The following MYH11 variants were observed in gnomAD, a reference collection of about 807,000 sequenced individuals.
MYH11 encodes myosin heavy chain 11, also known as myosin-11.
MYH11 carries 80 observed loss-of-function variants against 246.6 expected under a neutral mutation model. The observed-to-expected ratio is 0.32, with a 90% CI of 0.27 to 0.39. MYH11 has a LOEUF of 0.39. MYH11 is among the 10% of genes least tolerant of loss of function. The pLI is 1.00. For missense variants in MYH11, 2,158 were observed against 2,546.8 expected (o/e 0.85, Z 3.29); for synonymous variants, 1,071 against 1,015.5 (o/e 1.05, Z -1.04).
At chr16:15,724,565 C>A in intron 30 of MYH11, 82 bp downstream of exon 30, 1 of 1,609,688 alleles carries the variant, frequency 6.2e-7, no homozygotes, top group Admixed American at 1.7e-5. Context: ...CACCAACACT[C>A]CACCGCGATC....
rs756833821 is a variant in MYH11 at position 15,714,875 on chromosome 16, G to A, written c.5786+34C>T. 5 of 1,611,664 alleles carry A rather than the reference G, an allele frequency of 3.1e-6. No homozygotes were observed. The African/African-American group carries it at 5.3e-5, about 17-fold the overall frequency. On this transcript the variant is annotated intron_variant, in intron 40 of 40. Coordinates refer to ENST00000300036, the MANE Select transcript of MYH11 (RefSeq NM_002474.3). ...CCCCCAGTGCTTTTCTCTGGCCTGAGAGACGGGGTCCTCCCGGGCCACGGG... is the reference window on the plus strand; with the variant it reads ...CCCCCAGTGCTTTTCTCTGGCCTGAAAGACGGGGTCCTCCCGGGCCACGGG...
Position 15,721,422 on chromosome 16 carries a change from G to A in MYH11, c.4578C>T (p.Asn1526=), listed in dbSNP as rs1186932787. The part of the protein sequence containing the change: ...LVSSKDDVGK[N]VHELEKSKRA... ...AGAAAAACCACCCAGAGCCACTTAC[G>A]TTCTTGCCCACGTCATCCTTGGAGC... The change falls in exon 32 of 41, where the codon AAC becomes AAT. Residue 1526 remains asparagine (N), a splice_region_variant and synonymous_variant. Coordinates refer to ENST00000300036, the MANE Select transcript of MYH11 (RefSeq NM_002474.3). 5.6e-6 allele frequency: 9 copies of A among 1,614,056 alleles called. No homozygotes were observed. Among genetic ancestry groups the A allele is most frequent in the East Asian group, 4.5e-5 (2 of 44,874 alleles).
chr16:15,720,585 C>T (rs1286656032), intron 33 of MYH11, among the ~76,000 whole-genome samples: 1 of 147,156 alleles, frequency 6.8e-6, no homozygotes, highest in African/African-American at 2.5e-5. Context: ...CTTGTCTCCA[C>T]TGAAAAAAAA....
At position 15,703,724 on chromosome 16, in the gene MYH11, G is replaced by T. The variant is rs1596660229; in HGVS notation, c.*267C>A. 3 of 482,118 alleles carry T rather than the reference G, an allele frequency of 6.2e-6. No individual in the cohort carries two copies. Among genetic ancestry groups the T allele is most frequent in the East Asian group, 3.7e-5 (1 of 26,782 alleles). The allele number at this position is 482,118 out of a possible 1,614,324, so 29.9% of individuals were successfully genotyped here. A position where few individuals can be genotyped will look rare whatever the true frequency, so the allele number is the denominator to read the frequency against. On this transcript the variant is annotated 3_prime_UTR_variant, in exon 41 of 41. Transcript: ENST00000300036. The stretch of plus-strand genomic sequence containing the variant: ...CTGGCTCAGCCTCCCTAGTAGCTGG[G>T]ACCACAGGTGTGTACCACCACGCCC...
intron 9 of MYH11, among the ~76,000 whole-genome samples, chr16:15,766,344 GGTGTGTGTGTGTGTGTGTGTGTGTGT>G (rs3073439): frequency 1.5e-5 from 2 of 136,688 alleles, no homozygotes; most frequent in Admixed American, 7.3e-5. Context: ...CATGTTTTTT[GGTGTGTGTGTGTGTGTGTGTGTGTGT>G]GTGTGTGTGT....
Position 15,703,732 on chromosome 16 carries a change from G to T in MYH11, c.*259C>A, listed in dbSNP as rs2039305518. The T allele has an allele frequency of 2.0e-6, 1 of 496,242 alleles. No individual in the cohort carries two copies. The highest frequency in any genetic ancestry group is 3.7e-6 in the Non-Finnish European group (1 of 272,274). The allele number at this position is 496,242 out of a possible 1,614,324, so 30.7% of individuals were successfully genotyped here. A position where few individuals can be genotyped will look rare whatever the true frequency, so the allele number is the denominator to read the frequency against. On this transcript the variant is annotated 3_prime_UTR_variant, in exon 41 of 41. Coordinates refer to ENST00000300036, the MANE Select transcript of MYH11 (RefSeq NM_002474.3). ...GCCTCCCTAGTAGCTGGGACCACAG[G>T]TGTGTACCACCACGCCCAGCTTATT...
chr16:15,738,011 C>G (rs1596757568), intron 24 of MYH11, among the ~76,000 whole-genome samples: 1 of 152,108 alleles, frequency 6.6e-6, no homozygotes, highest in Admixed American at 6.6e-5. Context: ...TGGTCTCCAA[C>G]TCTTGACCTC....
intron 10 of MYH11, among the ~76,000 whole-genome samples, chr16:15,761,528 G>C (rs2041867518): frequency 6.6e-6 from 1 of 151,990 alleles, no homozygotes; most frequent in African/African-American, 2.4e-5. Context: ...TTGCAGCATT[G>C]TTTGCAATAG....
intron 4 of MYH11, chr16:15,791,577 C>A (rs993521486): frequency 1.1e-4 from 16 of 152,160 alleles, no homozygotes; most frequent in Non-Finnish European, 1.9e-4. Flanking sequence ...CTGCCAGTTA[C>A]CTGGGTGACC....
intron 4 of MYH11, among the ~76,000 whole-genome samples, chr16:15,787,864 C>T (rs908163753): frequency 3.9e-5 from 6 of 151,984 alleles, no homozygotes; most frequent in African/African-American, 9.7e-5. Context: ...AACCGGTTAT[C>T]CCATTGGTCA....
chr16:15,778,710 C>T (rs2042279434), intron 7 of MYH11, 70 bp downstream of exon 7: 1 of 1,484,276 alleles, frequency 6.7e-7, no homozygotes, highest in East Asian at 2.3e-5. Flanking sequence ...CTTGGACTCT[C>T]CCAGCCTCTG....
At chr16:15,784,067 C>T (rs1445998119) in intron 5 of MYH11, among the ~76,000 whole-genome samples, 3 of 152,096 alleles carry the variant, frequency 2.0e-5, no homozygotes, top group South Asian at 4.1e-4. Flanking sequence ...CCAGGTTATG[C>T]GTTGCGTAGC....
rs891388639 is a variant in MYH11 at position 15,753,506 on chromosome 16, C to T, written c.1752G>A (p.Val584=). Residue 584 remains valine (V), a splice_region_variant and synonymous_variant, in exon 15 of 41, where the codon GTG becomes GTA. Transcript: ENST00000300036. ...TCAGCCAGGCACTCGCATTATAGTC[C>T]ACCTGCCAAGGACACCCTGCTGGTC... ...EFSIIHYAGK[V]DYNASAWLTK... is the part of the protein sequence containing the mutation. 1 of 1,613,564 alleles carries T rather than the reference C, an allele frequency of 6.2e-7. No individual in the cohort carries two copies. The highest frequency in any genetic ancestry group is 8.5e-7 in the Non-Finnish European group (1 of 1,179,466).
chr16:15,763,741 T>TCGGGGCCC, intron 10 of MYH11, 55 bp downstream of exon 10: 5 of 646,852 alleles, frequency 7.7e-6, no homozygotes, highest in East Asian at 3.2e-5. Context: ...AAATGTCACC[T>TCGGGGCCC]CCCCCACCCC....
chr16:15,711,474 G>A (rs181648289), intron 40 of MYH11, among the ~76,000 whole-genome samples: 41 of 152,200 alleles, frequency 2.7e-4, no homozygotes, highest in Non-Finnish European at 5.1e-4. Flanking sequence ...TACTTTCATC[G>A]TAACCAGTTG....
chr16:15,763,977 C>G, intron 9 of MYH11, 86 bp from the exon 10 acceptor site: 1 of 990,932 alleles, frequency 1.0e-6, no homozygotes, highest in Non-Finnish European at 1.6e-6. Context: ...CACTGGGGAC[C>G]CAGAGCCAGC....
intron 40 of MYH11, among the ~76,000 whole-genome samples, chr16:15,705,708 A>G (rs887970299): frequency 1.3e-5 from 2 of 152,108 alleles, no homozygotes; most frequent in African/African-American, 2.4e-5. Flanking sequence ...TCGGCTGGGC[A>G]TGGTGGCTCA....
At chr16:15,815,413 A>G (rs2043240430) in intron 3 of MYH11, among the ~76,000 whole-genome samples, 1 of 152,240 alleles carries the variant, frequency 6.6e-6, no homozygotes, top group African/African-American at 2.4e-5. Context: ...AATAAAATAT[A>G]TACCAGAAAT....
intron 1 of MYH11, among the ~76,000 whole-genome samples, chr16:15,843,916 G>A (rs1421841872): frequency 1.3e-5 from 2 of 152,050 alleles, no homozygotes; most frequent in Non-Finnish European, 2.9e-5. Context: ...CCACAAGACT[G>A]ACTATATCAG....
Sources: gnomAD v4.1 joint callset for allele counts (sites outside exome capture counted in the v4.1 genomes callset) on GRCh38, gnomAD v4.1.1 for gene constraint, MANE v1.5 for transcripts, NCBI Gene and HGNC (gene_info 2026-07-23, HGNC 2026-07-21) for gene names.